SLC44A5: variants seen among roughly 807,000 people sequenced by gnomAD.
The protein encoded by SLC44A5 is choline transporter-like protein 5.
Under a neutral mutation model 101.8 loss-of-function variants are expected in SLC44A5, and 57 were observed. The observed-to-expected ratio is 0.56, with a 90% confidence interval of 0.45 to 0.70. The LOEUF is 0.70. Ranked by LOEUF, SLC44A5 falls within the 30% of genes least tolerant of loss-of-function variation. The probability of loss-of-function intolerance (pLI) is 0.00; values close to 1 mark genes in which losing one functional copy is unlikely to be tolerated. For missense variants in SLC44A5, 737 were observed against 853.1 expected, an observed-to-expected ratio of 0.86 and a Z score of 1.70; for synonymous variants, 281 against 290.9, an observed-to-expected ratio of 0.97 and a Z score of 0.35.
chr1:75,349,741 A>T (rs1008188665), intron 3 of SLC44A5, among the ~76,000 whole-genome samples: 14 of 152,216 alleles, frequency 9.2e-5, no homozygotes, highest in Non-Finnish European at 1.5e-5. Flanking sequence ...GGGTTAAATA[A>T]AATGAGAAAA....
chr1:75,635,285 T>G, the SLC44A5 span, among the ~76,000 whole-genome samples: 1 of 151,656 alleles, frequency 6.6e-6, no homozygotes, highest in Non-Finnish European at 1.5e-5. Flanking sequence ...GAAATACCAT[T>G]TGACCCAGCC....
chr1:75,235,296 A>G (rs879332607), intron 11 of SLC44A5, among the ~76,000 whole-genome samples: 3 of 152,106 alleles, frequency 2.0e-5, no homozygotes, highest in Non-Finnish European at 2.9e-5. Context: ...ATTTATATTT[A>G]TAAAATAAAT....
intron 1 of SLC44A5, among the ~76,000 whole-genome samples, chr1:75,600,186 A>G (rs1368979036): frequency 6.6e-6 from 1 of 152,164 alleles, no homozygotes; most frequent in African/African-American, 2.4e-5. Flanking sequence ...GTTTGAGCAG[A>G]GCCTGGAAAG....
intron 3 of SLC44A5, among the ~76,000 whole-genome samples, chr1:75,383,942 T>A (rs11485321): frequency 0.25 from 38,095 of 151,596 alleles, 5,065 homozygotes; most frequent in African/African-American, 0.33. Flanking sequence ...CAGAATTTCA[T>A]ATCCAGCCAA....
intron 1 of SLC44A5, among the ~76,000 whole-genome samples, chr1:75,596,945 G>A (rs1418993261): frequency 6.6e-6 from 1 of 152,088 alleles, no homozygotes; most frequent in Non-Finnish European, 1.5e-5. Context: ...AGAAGTCCTG[G>A]CCAGGGAAAT....
chr1:75,480,437 C>T (rs1285889363), intron 2 of SLC44A5, among the ~76,000 whole-genome samples: 1 of 152,086 alleles, frequency 6.6e-6, no homozygotes, highest in Non-Finnish European at 1.5e-5. Flanking sequence ...AAAGGGTATT[C>T]GATTAGGAAA....
chr1:75,445,499 T>C (rs1665502223), intron 2 of SLC44A5, among the ~76,000 whole-genome samples: 1 of 67,898 alleles, frequency 1.5e-5, no homozygotes, highest in Non-Finnish European at 2.9e-5. Flanking sequence ...ATATATATAA[T>C]ATTATACACA....
At chr1:75,206,712 A>G in intron 23 of SLC44A5, 1 of 1,592,126 alleles carries the variant, frequency 6.3e-7, no homozygotes, top group Non-Finnish European at 8.6e-7. Context: ...TTCTTTCCAG[A>G]TCTTCACCTG....
At chr1:75,488,442 TATA>T (rs1401816575) in intron 2 of SLC44A5, among the ~76,000 whole-genome samples, 2 of 152,198 alleles carry the variant, frequency 1.3e-5, no homozygotes, top group East Asian at 1.9e-4. Context: ...AACAACGTAG[TATA>T]ATATTAGGGG....
intron 3 of SLC44A5, among the ~76,000 whole-genome samples, chr1:75,356,550 GTAAAAAAGTTACA>G: frequency 6.6e-6 from 1 of 152,014 alleles, no homozygotes; most frequent in East Asian, 1.9e-4. Flanking sequence ...AAATTTTAAA[GTAAAAAAGTTACA>G]GAAAGTTAAG....
chr1:75,476,636 G>A (rs1667423654), intron 2 of SLC44A5, among the ~76,000 whole-genome samples: 1 of 152,236 alleles, frequency 6.6e-6, no homozygotes, highest in Non-Finnish European at 1.5e-5. Flanking sequence ...CGCCCACGGA[G>A]TCTCGCTGAT....
the SLC44A5 span, among the ~76,000 whole-genome samples, chr1:75,649,731 T>C: frequency 2.0e-5 from 3 of 152,140 alleles, no homozygotes; most frequent in South Asian, 4.1e-4. Context: ...ATAAAATATC[T>C]TAGATATAAA....
intron 2 of SLC44A5, among the ~76,000 whole-genome samples, chr1:75,451,689 A>T (rs1424271495): frequency 2.0e-5 from 3 of 152,142 alleles, no homozygotes; most frequent in African/African-American, 7.2e-5. Context: ...AACTCACTTA[A>T]GGAATTTCAA....
chr1:75,213,455 C>T (rs1029348354), intron 22 of SLC44A5, among the ~76,000 whole-genome samples: 11 of 151,636 alleles, frequency 7.3e-5, no homozygotes, highest in African/African-American at 1.2e-4. Flanking sequence ...TCAGGAGGAT[C>T]GGATTAGTGT....
At chr1:75,480,599 T>G (rs1490150929) in intron 2 of SLC44A5, among the ~76,000 whole-genome samples, 2 of 152,230 alleles carry the variant, frequency 1.3e-5, no homozygotes, top group Admixed American at 1.3e-4. Context: ...AGCATTCTTA[T>G]ACACCAATAA....
chr1:75,271,678 G>GGT (rs1458928424), intron 6 of SLC44A5, among the ~76,000 whole-genome samples: 2 of 152,002 alleles, frequency 1.3e-5, no homozygotes, highest in African/African-American at 4.8e-5. Context: ...AGTATTCCAT[G>GGT]GTGTGTATAT....
chr1:75,547,882 A>AGACT (rs1366895865), intron 1 of SLC44A5, among the ~76,000 whole-genome samples: 4 of 152,138 alleles, frequency 2.6e-5, no homozygotes, highest in African/African-American at 9.7e-5. Flanking sequence ...AAAATCTGTA[A>AGACT]AAGAAACCCA....
the SLC44A5 span, among the ~76,000 whole-genome samples, chr1:75,715,421 C>A: frequency 6.6e-6 from 1 of 152,150 alleles, no homozygotes; most frequent in African/African-American, 2.4e-5. Flanking sequence ...GTAACCAAAA[C>A]GGCATAGTAC....
intron 3 of SLC44A5, among the ~76,000 whole-genome samples, chr1:75,366,540 C>A (rs534414305): frequency 7.9e-5 from 12 of 152,196 alleles, no homozygotes; most frequent in Non-Finnish European, 1.6e-4. Context: ...GACCTTTAAG[C>A]TTTATGAATT....
Sources: allele counts gnomAD v4.1 joint callset (sites outside exome capture counted in the v4.1 genomes callset), GRCh38; gene constraint gnomAD v4.1.1; transcripts MANE v1.5; gene names NCBI Gene and HGNC (gene_info 2026-07-23, HGNC 2026-07-21).